DLC1: variants seen among roughly 807,000 people sequenced by gnomAD.
DLC1 encodes DLC1 Rho GTPase activating protein, also known as rho GTPase-activating protein 7.
Under a neutral mutation model 140.3 loss-of-function variants are expected in DLC1, and 54 were observed. The ratio of observed to expected loss-of-function variants is 0.38; its 90% CI spans 0.31 to 0.48. The LOEUF is 0.48. Among genes scored for constraint, DLC1 ranks in the 20% least tolerant of loss-of-function variants. The pLI is 0.96. For missense variants in DLC1, 2,536 were observed against 1,907.0 expected, an observed-to-expected ratio of 1.33 and a Z score of -6.14; for synonymous variants, 986 against 728.1, an observed-to-expected ratio of 1.35 and a Z score of -5.70.
At chr8:13,139,798 C>T (rs993229647) in intron 5 of DLC1, among the ~76,000 whole-genome samples, 1 of 152,196 alleles carries the variant, frequency 6.6e-6, no homozygotes, top group Non-Finnish European at 1.5e-5. Flanking sequence ...ACACAAAAAT[C>T]AAACAAGTGG....
chr8:13,463,783 G>C (rs1256403271), intron 2 of DLC1, among the ~76,000 whole-genome samples: 1 of 152,100 alleles, frequency 6.6e-6, no homozygotes, highest in Non-Finnish European at 1.5e-5. Flanking sequence ...TTAAAGACTG[G>C]GATTATCATC....
chr8:13,444,768 A>G (rs944660101), intron 2 of DLC1, among the ~76,000 whole-genome samples: 1 of 152,172 alleles, frequency 6.6e-6, no homozygotes, highest in Non-Finnish European at 1.5e-5. Context: ...GAGATTCAGG[A>G]TGATGATTTT....
intron 5 of DLC1, among the ~76,000 whole-genome samples, chr8:13,297,292 A>AAAAAAAAAAAAAAAAAAAAAAAAAC (rs1563233241): frequency 6.9e-6 from 1 of 144,452 alleles, no homozygotes; most frequent in African/African-American, 2.6e-5. Context: ...TAAAAAAAAA[A>AAAAAAAAAAAAAAAAAAAAAAAAAC]AAAACTGAAG....
Position 13,207,754 on chromosome 8 carries a change from C to T in DLC1, c.1349-92097G>A, listed in dbSNP as rs750765090. ...CTGTCACACCTGGGGGAGGTACTGC[C>T]GACATACAGTTGGTAGAAGCCAGGG... On this transcript the variant is annotated intron_variant, in intron 5 of 17. Coordinates refer to ENST00000276297, the MANE Select transcript of DLC1 (RefSeq NM_182643.3). Among the ~76,000 whole-genome samples, 5 of 151,962 alleles carry T rather than the reference C, an allele frequency of 3.3e-5. No homozygotes were observed. In the East Asian group the frequency reaches 5.8e-4, roughly 18 times the overall value.
chr8:13,321,446 G>A (rs1479318835), intron 4 of DLC1, among the ~76,000 whole-genome samples: 5 of 147,790 alleles, frequency 3.4e-5, no homozygotes, highest in African/African-American at 9.9e-5. Flanking sequence ...GCTGAGGCAG[G>A]AGAATCGCTT....
At chr8:13,207,409 A>T (rs1166782971) in intron 5 of DLC1, among the ~76,000 whole-genome samples, 2 of 152,142 alleles carry the variant, frequency 1.3e-5, no homozygotes, top group African/African-American at 2.4e-5. Flanking sequence ...TTCTACCTTC[A>T]CGGCTTTTAA....
chr8:13,274,127 A>T (rs1316131856), intron 5 of DLC1, among the ~76,000 whole-genome samples: 1 of 152,160 alleles, frequency 6.6e-6, no homozygotes, highest in Non-Finnish European at 1.5e-5. Context: ...CTTTTTGTGG[A>T]TCATTAGCAG....
chr8:13,575,132 A>G (rs1218670600), intron 1 of DLC1, among the ~76,000 whole-genome samples: 1 of 152,196 alleles, frequency 6.6e-6, no homozygotes, highest in Non-Finnish European at 1.5e-5. Flanking sequence ...GTCAACTCAA[A>G]TTACAGCGAA....
At chr8:13,186,676 C>T (rs185465539) in intron 5 of DLC1, among the ~76,000 whole-genome samples, 3 of 152,350 alleles carry the variant, frequency 2.0e-5, no homozygotes, top group East Asian at 1.9e-4. Context: ...CATTCTCCAT[C>T]CAGCTTTGTT....
At chr8:13,581,169 A>G (rs375659629) in intron 1 of DLC1, among the ~76,000 whole-genome samples, 9 of 152,192 alleles carry the variant, frequency 5.9e-5, no homozygotes, top group African/African-American at 2.2e-4. Context: ...GTCAGGGTCA[A>G]ATTTTATGCC....
intron 5 of DLC1, among the ~76,000 whole-genome samples, chr8:13,218,252 A>G (rs560515299): frequency 3.0e-4 from 45 of 152,288 alleles, no homozygotes; most frequent in Admixed American, 1.6e-3. Context: ...AAATGGATTG[A>G]AGGCCTATGT....
chr8:13,530,623 C>A (rs946065907), intron 1 of DLC1, among the ~76,000 whole-genome samples: 1 of 152,152 alleles, frequency 6.6e-6, no homozygotes, highest in East Asian at 1.9e-4. Context: ...TGGGTGTAAC[C>A]TAACAGAACC....
At chr8:13,486,838 G>A (rs941676882) in intron 2 of DLC1, among the ~76,000 whole-genome samples, 1 of 152,186 alleles carries the variant, frequency 6.6e-6, no homozygotes, top group African/African-American at 2.4e-5. Context: ...TGCAAGGGAT[G>A]TCCTTGATGA....
intron 1 of DLC1, among the ~76,000 whole-genome samples, chr8:13,534,508 C>T (rs1054984120): frequency 1.3e-5 from 2 of 152,134 alleles, no homozygotes; most frequent in Admixed American, 6.5e-5. Context: ...GTGTGTCCTG[C>T]AGACTCTCAG....
intron 5 of DLC1, among the ~76,000 whole-genome samples, chr8:13,207,696 G>C (rs557803743): frequency 1.2e-4 from 18 of 152,178 alleles, no homozygotes; most frequent in African/African-American, 4.3e-4. Context: ...TTTCTCCCTA[G>C]GGGACATTTG....
intron 12 of DLC1, among the ~76,000 whole-genome samples, 156 bp from the exon 13 acceptor site, chr8:13,092,981 G>C (rs1818205229): frequency 2.6e-5 from 4 of 152,128 alleles, no homozygotes; most frequent in African/African-American, 9.7e-5. Flanking sequence ...TAAAAGTTAT[G>C]AATTGCCACC....
At chr8:13,157,628 A>G (rs1824348860) in intron 5 of DLC1, among the ~76,000 whole-genome samples, 2 of 152,172 alleles carry the variant, frequency 1.3e-5, no homozygotes, top group South Asian at 2.1e-4. Flanking sequence ...AAAAATAACT[A>G]TATTGTCGGG....
At chr8:13,490,730 C>T (rs916003733) in intron 2 of DLC1, among the ~76,000 whole-genome samples, 1 of 152,094 alleles carries the variant, frequency 6.6e-6, no homozygotes, top group African/African-American at 2.4e-5. Flanking sequence ...ACAATTGGCT[C>T]TGAAGTAACC....
At chr8:13,539,198 T>G (rs1803401864) in intron 1 of DLC1, among the ~76,000 whole-genome samples, 1 of 152,038 alleles carries the variant, frequency 6.6e-6, no homozygotes, top group Non-Finnish European at 1.5e-5. Context: ...TATGTATGTA[T>G]GTATGTATGT....
Sources: allele counts gnomAD v4.1 joint callset (sites outside exome capture counted in the v4.1 genomes callset), GRCh38; gene constraint gnomAD v4.1.1; transcripts MANE v1.5; gene names NCBI Gene and HGNC (gene_info 2026-07-23, HGNC 2026-07-21).